Variants in PBK observed in about 807,000 individuals in gnomAD.
PBK encodes lymphokine-activated killer T-cell-originated protein kinase.
In PBK, 22 loss-of-function variants were observed where a neutral mutation model predicts 33.5. The observed-to-expected ratio is 0.66, with a 90% CI of 0.47 to 0.94. PBK has a LOEUF of 0.94. PBK is among the 40% of genes least tolerant of loss of function. The pLI, the probability that PBK is intolerant of heterozygous loss-of-function variation, is 0.00. For synonymous variants in PBK, 129 were observed against 123.8 expected (o/e 1.04, Z -0.28); for missense variants, 376 against 383.4 (o/e 0.98, Z 0.16).
At chr8:27,817,931 T>C (rs1805849418) in intron 6 of PBK, among the ~76,000 whole-genome samples, 1 of 152,218 alleles carries the variant, frequency 6.6e-6, no homozygotes, top group South Asian at 2.1e-4. Flanking sequence ...TAACCACATG[T>C]AGCTTCTGAG....
intron 1 of PBK, among the ~76,000 whole-genome samples, chr8:27,836,521 A>G (rs1806230488): frequency 6.6e-6 from 1 of 151,926 alleles, no homozygotes; most frequent in Admixed American, 6.6e-5. Context: ...AGACTAGGTA[A>G]GATCATCTAG....
At chr8:27,816,672 AGCC>A (rs1805821604) in intron 6 of PBK, among the ~76,000 whole-genome samples, 1 of 152,130 alleles carries the variant, frequency 6.6e-6, no homozygotes, top group Admixed American at 6.5e-5. Flanking sequence ...CACTGCGCCC[AGCC>A]AGAATACTAT....
chr8:27,826,080 G>T (rs1806019484), intron 3 of PBK, among the ~76,000 whole-genome samples: 1 of 152,096 alleles, frequency 6.6e-6, no homozygotes, highest in Non-Finnish European at 1.5e-5. Flanking sequence ...GGACAGTGGG[G>T]GGGACAGATA....
intron 1 of PBK, among the ~76,000 whole-genome samples, chr8:27,834,032 T>G (rs201884311): frequency 0.11 from 16,576 of 148,156 alleles, 1,096 homozygotes; most frequent in East Asian, 0.33. Flanking sequence ...ATGATCCTTT[T>G]TTTTTTTTTT....
At position 27,823,220 on chromosome 8, in the gene PBK, C is replaced by G; in HGVS notation, c.153-15G>C. ...CTCTTGGAGATCTAAGAAAAAAATTCATTTAAAAAGGATAGAAAACAATAA... is the reference window on the plus strand; with the variant it reads ...CTCTTGGAGATCTAAGAAAAAAATTGATTTAAAAAGGATAGAAAACAATAA... On this transcript the variant is annotated splice_polypyrimidine_tract_variant and intron_variant, in intron 3 of 7. Coordinates refer to ENST00000301905, the MANE Select transcript of PBK (RefSeq NM_018492.4). The G allele has an allele frequency of 3.4e-6, 5 of 1,469,892 alleles. No individual in the cohort carries two copies. The highest frequency in any genetic ancestry group is 1.3e-5 in the South Asian group (1 of 78,568). The allele number at this position is 1,469,892 out of a possible 1,614,324, so 91.1% of individuals were successfully genotyped here. A position where few individuals can be genotyped will look rare whatever the true frequency, so the allele number is the denominator to read the frequency against.
At chr8:27,827,764 T>C (rs1029299545) in intron 3 of PBK, among the ~76,000 whole-genome samples, 1 of 152,198 alleles carries the variant, frequency 6.6e-6, no homozygotes, top group Admixed American at 6.5e-5. Context: ...CATCACCCAA[T>C]ACTGGCTTCC....
chr8:27,816,948 C>T (rs527614219), intron 6 of PBK, among the ~76,000 whole-genome samples: 1 of 152,192 alleles, frequency 6.6e-6, no homozygotes, highest in South Asian at 2.1e-4. Flanking sequence ...TGTTCTGCTA[C>T]AATGTGTATT....
intron 6 of PBK, 168 bp from the exon 7 acceptor site, chr8:27,811,302 C>T: frequency 4.8e-6 from 3 of 629,316 alleles, no homozygotes; most frequent in Non-Finnish European, 8.4e-6. Context: ...TTCTACCTTT[C>T]AGGTTGGTAA....
rs1380383105 is a variant in PBK, at chr8:27,826,652, C to T, written c.152+1453G>A. Among the ~76,000 whole-genome samples, 7 of 127,304 alleles carry T rather than the reference C, an allele frequency of 5.5e-5. 1 individual carries two copies. Among genetic ancestry groups the T allele is most frequent in the Admixed American group, 5.3e-4 (7 of 13,228 alleles). 83.5% of individuals were successfully genotyped at this position (127,304 alleles called of 152,430 possible). A position where few individuals can be genotyped will look rare whatever the true frequency, so the allele number is the denominator to read the frequency against. On this transcript the variant is annotated intron_variant, in intron 3 of 7. Coordinates refer to ENST00000301905, the MANE Select transcript of PBK (RefSeq NM_018492.4). ...TCTACTAAAAATACAAAAAATTAGCCGGGCGTGGTGGCGGGCGCCTGTAGT... is the reference window on the plus strand; with the variant it reads ...TCTACTAAAAATACAAAAAATTAGCTGGGCGTGGTGGCGGGCGCCTGTAGT...
chr8:27,815,404 T>G (rs1404072133), intron 6 of PBK, among the ~76,000 whole-genome samples: 1 of 152,216 alleles, frequency 6.6e-6, no homozygotes, highest in Admixed American at 6.5e-5. Flanking sequence ...TGGTAGCCTT[T>G]GTACTTAGTT....
intron 3 of PBK, among the ~76,000 whole-genome samples, chr8:27,826,084 A>G (rs1806019640): frequency 6.6e-6 from 1 of 151,930 alleles, no homozygotes; most frequent in Non-Finnish European, 1.5e-5. Context: ...AGTGGGGGGG[A>G]CAGATAACAT....
chr8:27,812,906 G>A (rs933535488), intron 6 of PBK, among the ~76,000 whole-genome samples: 71 of 152,344 alleles, frequency 4.7e-4, no homozygotes, highest in African/African-American at 1.6e-3. Context: ...GTGGAAGACA[G>A]TGTGGCAATC....
intron 3 of PBK, among the ~76,000 whole-genome samples, 195 bp from the exon 4 acceptor site, chr8:27,823,400 G>C (rs1805968423): frequency 6.6e-6 from 1 of 151,968 alleles, no homozygotes; most frequent in East Asian, 1.9e-4. Flanking sequence ...ACTAAAACAA[G>C]TCTTACTATC....
chr8:27,837,077 A>T (rs555612009), intron 1 of PBK, among the ~76,000 whole-genome samples: 2 of 151,992 alleles, frequency 1.3e-5, no homozygotes, highest in African/African-American at 4.8e-5. Context: ...CAAAAAAAAC[A>T]GTGAATATTT....
At chr8:27,815,229 G>T (rs1377891188) in intron 6 of PBK, among the ~76,000 whole-genome samples, 3 of 152,136 alleles carry the variant, frequency 2.0e-5, no homozygotes, top group African/African-American at 7.2e-5. Context: ...GAATCCATAA[G>T]CCAGGAAATT....
At chr8:27,824,456 A>G (rs574039340) in intron 3 of PBK, among the ~76,000 whole-genome samples, 1 of 152,264 alleles carries the variant, frequency 6.6e-6, no homozygotes, top group African/African-American at 2.4e-5. Flanking sequence ...TAAAGACAAT[A>G]TCACAAATAA....
chr8:27,830,956 A>G lies in PBK; in HGVS notation c.58+2100T>C, dbSNP rs1806118819. Among the ~76,000 whole-genome samples, 3 of 152,238 alleles carry G rather than the reference A, an allele frequency of 2.0e-5. No homozygotes were observed. The South Asian group carries it at 6.2e-4, about 32-fold the overall frequency. ...TCACATAAAGTGGACTCCAGAACAA[A>G]GAGTACCACTGAGGATTAAGAAGGG... On this transcript the variant is annotated intron_variant, in intron 2 of 7. Transcript: ENST00000301905.
At chr8:27,822,001 G>C (rs943436081) in intron 5 of PBK, among the ~76,000 whole-genome samples, 3 of 152,186 alleles carry the variant, frequency 2.0e-5, no homozygotes, top group Admixed American at 6.5e-5. Context: ...TGGCCTAGGA[G>C]AACTGGGCTA....
chr8:27,811,765 C>T (rs1224869155), intron 6 of PBK, among the ~76,000 whole-genome samples: 2 of 152,152 alleles, frequency 1.3e-5, no homozygotes, highest in African/African-American at 2.4e-5. Context: ...ATTGAGTCTT[C>T]CAAACCGCAG....
Sources: gnomAD v4.1 joint callset for allele counts (sites outside exome capture counted in the v4.1 genomes callset) on GRCh38, gnomAD v4.1.1 for gene constraint, MANE v1.5 for transcripts, NCBI Gene and HGNC (gene_info 2026-07-23, HGNC 2026-07-21) for gene names.